PRKG1: variants seen among roughly 807,000 people sequenced by gnomAD.
PRKG1 encodes the protein protein kinase cGMP-dependent 1, also known as cGMP-dependent protein kinase 1.
A neutral mutation model predicts 88.1 loss-of-function variants in PRKG1; 35 were observed. The ratio of observed to expected loss-of-function variants is 0.40; its 90% CI spans 0.30 to 0.53. PRKG1 has a LOEUF of 0.53. Among genes scored for constraint, PRKG1 ranks in the 20% least tolerant of loss-of-function variants. The probability of loss-of-function intolerance (pLI) is 0.59; values close to 1 mark genes in which losing one functional copy is unlikely to be tolerated. For missense variants in PRKG1, 540 were observed against 839.8 expected (o/e 0.64, Z 4.41); for synonymous variants, 303 against 292.5 (o/e 1.04, Z -0.37).
chr10:51,180,882 A>C (rs1409171808), intron 2 of PRKG1, among the ~76,000 whole-genome samples: 1 of 152,124 alleles, frequency 6.6e-6, no homozygotes, highest in Non-Finnish European at 1.5e-5. Flanking sequence ...AGATTATTTT[A>C]TGTGTTCTTA....
Position 51,013,874 on chromosome 10 carries a change from C to T in PRKG1, c.266+22230C>T, listed in dbSNP as rs529442328. Among the ~76,000 whole-genome samples the T allele has an allele frequency of 1.2e-4, 18 of 152,208 alleles. 2 individuals carry two copies. The East Asian group carries it at 3.5e-3, about 29-fold the overall frequency. On this transcript the variant is annotated intron_variant, in intron 1 of 17. Transcript: ENST00000401604. ...GTCCTTTGGCAATAATGTAGTGAGGCTATTCAACAACTGAGCACTATTTGT... is the reference window on the plus strand; with the variant it reads ...GTCCTTTGGCAATAATGTAGTGAGGTTATTCAACAACTGAGCACTATTTGT...
chr10:51,371,246 T>C (rs1550718), intron 2 of PRKG1, among the ~76,000 whole-genome samples: 50,096 of 151,834 alleles, frequency 0.33, 9,650 homozygotes, highest in Middle Eastern at 0.45. Context: ...ATCTTTAAAA[T>C]GATGATCATG....
rs1274689561 is a variant in PRKG1, at chr10:51,697,859, G to A, written c.593-106726G>A. 2.5e-6 allele frequency: 4 copies of A among 1,613,870 alleles called. No individual in the cohort carries two copies. The East Asian group carries it at 6.7e-5, about 27-fold the overall frequency. On this transcript the variant is annotated intron_variant, in intron 3 of 17. Transcript: ENST00000373980. ...CTGTGGAGTGACCTGGCTCTGCCCA[G>A]GACTAAAACTGCTAGGCTGGCTTCC...
At chr10:52,229,282 T>C (rs1021936977) in intron 9 of PRKG1, among the ~76,000 whole-genome samples, 1 of 152,156 alleles carries the variant, frequency 6.6e-6, no homozygotes, top group African/African-American at 2.4e-5. Flanking sequence ...AAGTAGAAAA[T>C]CTGAGATTTA....
intron 9 of PRKG1, among the ~76,000 whole-genome samples, chr10:52,183,684 G>A (rs1243202835): frequency 6.6e-6 from 1 of 152,128 alleles, no homozygotes; most frequent in Non-Finnish European, 1.5e-5. Context: ...CCTAGAGGAG[G>A]GCATACTCCA....
intron 4 of PRKG1, among the ~76,000 whole-genome samples, chr10:51,855,217 TTAAAG>T (rs1394136712): frequency 6.6e-6 from 1 of 152,168 alleles, no homozygotes; most frequent in Non-Finnish European, 1.5e-5. Flanking sequence ...TCAGCCTAAA[TTAAAG>T]TATCAGGCAA....
chr10:51,615,459 A>G, intron 3 of PRKG1, among the ~76,000 whole-genome samples: 1 of 152,194 alleles, frequency 6.6e-6, no homozygotes, highest in East Asian at 1.9e-4. Context: ...TCTCCAGGAT[A>G]CTGATAACTC....
rs578157838 is a variant in PRKG1 at position 51,621,698 on chromosome 10, A to T, written c.592+153862A>T. Among the ~76,000 whole-genome samples the T allele has an allele frequency of 1.1e-4, 16 of 152,256 alleles. No homozygotes were observed. The South Asian group carries it at 3.3e-3, about 32-fold the overall frequency. ...TGTATTCTATTCTAGAATTCTGTCA[A>T]TTTTATTTCTGCTCTAGAATATTCT... On this transcript the variant is annotated intron_variant, in intron 3 of 17. Coordinates refer to ENST00000373980, the MANE Select transcript of PRKG1 (RefSeq NM_006258.4).
intron 2 of PRKG1, among the ~76,000 whole-genome samples, chr10:51,431,084 AC>A (rs1838756402): frequency 6.6e-6 from 1 of 152,166 alleles, no homozygotes; most frequent in South Asian, 2.1e-4. Flanking sequence ...GTAAAATTAG[AC>A]TGAAATAAAG....
chr10:51,355,293 G>T (rs1564459333), intron 2 of PRKG1, among the ~76,000 whole-genome samples: 1 of 151,918 alleles, frequency 6.6e-6, no homozygotes, highest in Non-Finnish European at 1.5e-5. Flanking sequence ...CAACACCCTG[G>T]AAATGTTAAG....
intron 2 of PRKG1, among the ~76,000 whole-genome samples, chr10:51,458,003 C>G (rs1196727012): frequency 1.3e-5 from 2 of 152,064 alleles, no homozygotes; most frequent in South Asian, 4.1e-4. Flanking sequence ...TCTTTTTCAT[C>G]TTATTAAGCA....
intron 3 of PRKG1, among the ~76,000 whole-genome samples, chr10:51,787,987 T>C (rs1302286922): frequency 6.6e-6 from 1 of 152,142 alleles, no homozygotes; most frequent in Non-Finnish European, 1.5e-5. Context: ...TGGGTTTATG[T>C]AGTTGAGCAA....
chr10:51,651,451 C>G (rs1365842657), intron 3 of PRKG1, among the ~76,000 whole-genome samples: 1 of 152,030 alleles, frequency 6.6e-6, no homozygotes, highest in African/African-American at 2.4e-5. Context: ...ATGTCACTTC[C>G]TCTAGGAAGT....
At chr10:51,872,249 T>C (rs1841176741) in intron 4 of PRKG1, among the ~76,000 whole-genome samples, 1 of 152,226 alleles carries the variant, frequency 6.6e-6, no homozygotes, top group African/African-American at 2.4e-5. Context: ...GTATGACTTG[T>C]GGCAACTTAC....
intron 1 of PRKG1, among the ~76,000 whole-genome samples, chr10:51,065,961 G>GT (rs1035667810): frequency 4.6e-5 from 7 of 151,982 alleles, no homozygotes; most frequent in Non-Finnish European, 4.4e-5. Context: ...ATCAGAGAGA[G>GT]TTTTTTTAGG....
At chr10:51,275,274 A>G (rs1438892659) in intron 2 of PRKG1, among the ~76,000 whole-genome samples, 1 of 152,236 alleles carries the variant, frequency 6.6e-6, no homozygotes, top group Non-Finnish European at 1.5e-5. Flanking sequence ...TTAATTGCCT[A>G]TGCAGTTTAG....
chr10:51,708,256 C>T (rs1841658926), intron 3 of PRKG1, among the ~76,000 whole-genome samples: 1 of 152,118 alleles, frequency 6.6e-6, no homozygotes, highest in Non-Finnish European at 1.5e-5. Context: ...GGTGTCTCTT[C>T]CTTTTCCTGT....
intron 1 of PRKG1, among the ~76,000 whole-genome samples, chr10:51,027,704 C>G (rs1163460253): frequency 6.6e-6 from 1 of 152,194 alleles, no homozygotes; most frequent in East Asian, 1.9e-4. Flanking sequence ...CAAGGTTACT[C>G]TCAGATGGGA....
chr10:51,095,949 CTT>C (rs1364731955), intron 1 of PRKG1, among the ~76,000 whole-genome samples: 5 of 151,990 alleles, frequency 3.3e-5, no homozygotes, highest in Admixed American at 3.3e-4. Context: ...GTTTTTACCT[CTT>C]GTTTCAGAGA....
Sources: allele counts gnomAD v4.1 joint callset (sites outside exome capture counted in the v4.1 genomes callset), GRCh38; gene constraint gnomAD v4.1.1; transcripts MANE v1.5; gene names NCBI Gene and HGNC (gene_info 2026-07-23, HGNC 2026-07-21).